OLFM2: variants seen among roughly 807,000 people sequenced by gnomAD.
OLFM2 encodes noelin-2.
A neutral mutation model predicts 43.9 loss-of-function variants in OLFM2; 20 were observed. That is an observed-to-expected ratio of 0.46 (90% CI 0.32 to 0.66). The LOEUF is 0.66. Ranked by LOEUF, OLFM2 falls within the 30% of genes least tolerant of loss-of-function variation. OLFM2 has a pLI of 0.04. For missense variants in OLFM2, 416 were observed against 643.6 expected (o/e 0.65, Z 3.83); for synonymous variants, 268 against 278.6 (o/e 0.96, Z 0.38).
chr19:9,910,865 G>C (rs1457981892), intron 1 of OLFM2, among the ~76,000 whole-genome samples: 1 of 152,032 alleles, frequency 6.6e-6, no homozygotes. Flanking sequence ...TAGTGGGTGG[G>C]TGTATGAGTG....
intron 1 of OLFM2, among the ~76,000 whole-genome samples, chr19:9,865,485 CTTTTTTTTTTTTT>C (rs71188847): frequency 1.4e-5 from 1 of 73,654 alleles, no homozygotes; most frequent in African/African-American, 5.7e-5. Flanking sequence ...TCTGTTTTTT[CTTTTTTTTTTTTT>C]TTTTTTTTTT....
At chr19:9,860,819 C>T in intron 1 of OLFM2, 25 bp from the exon 2 acceptor site, 1 of 1,590,964 alleles carries the variant, frequency 6.3e-7, no homozygotes, top group Non-Finnish European at 8.5e-7. Context: ...GGGTCAGAGA[C>T]CGGAATCCCA....
At position 9,908,824 on chromosome 19, in the gene OLFM2, G is replaced by A. The variant is rs1036061124; in HGVS notation, c.63+27480C>T. 7.9e-5 allele frequency among the ~76,000 whole-genome samples: 12 copies of A among 151,572 alleles called. No individual in the cohort carries two copies. The South Asian group carries it at 1.0e-3, about 13-fold the overall frequency. ...ACTCCTGACCTCAGGTGATCCACCT[G>A]CCTTGGCCTCCCAAAGTGCTGGGAT... On this transcript the variant is annotated intron_variant, in intron 1 of 5. Transcript: ENST00000264833.
intron 1 of OLFM2, among the ~76,000 whole-genome samples, chr19:9,879,362 T>G (rs2046519760): frequency 6.7e-6 from 1 of 150,320 alleles, no homozygotes; most frequent in Admixed American, 6.7e-5. Context: ...CAACTCCCAA[T>G]CTCAGGTGAT....
chr19:9,864,294 G>A (rs543480459), intron 1 of OLFM2, among the ~76,000 whole-genome samples: 7 of 152,098 alleles, frequency 4.6e-5, no homozygotes, highest in South Asian at 4.2e-4. Flanking sequence ...TTATTTATTC[G>A]TTTATTTTAT....
intron 1 of OLFM2, among the ~76,000 whole-genome samples, chr19:9,904,591 G>C (rs916539257): frequency 6.6e-6 from 1 of 151,934 alleles, no homozygotes; most frequent in African/African-American, 2.4e-5. Flanking sequence ...TAGTGTGAAG[G>C]GGCAAGCAGA....
At chr19:9,929,838 G>A (rs10423354) in intron 1 of OLFM2, among the ~76,000 whole-genome samples, 6,843 of 151,926 alleles carry the variant, frequency 0.045, 441 homozygotes, top group African/African-American at 0.14. Flanking sequence ...TCAGGAGTTC[G>A]AGACCAACCT....
At chr19:9,896,484 A>T (rs2046686000) in intron 1 of OLFM2, among the ~76,000 whole-genome samples, 1 of 152,124 alleles carries the variant, frequency 6.6e-6, no homozygotes, top group African/African-American at 2.4e-5. Flanking sequence ...TGCAGCCTGG[A>T]ACTCCTGGCT....
chr19:9,872,598 T>C (rs1417284385), intron 1 of OLFM2, among the ~76,000 whole-genome samples: 1 of 152,084 alleles, frequency 6.6e-6, no homozygotes, highest in Non-Finnish European at 1.5e-5. Context: ...GCCTGAGAAC[T>C]GGGGTTTTGC....
Position 9,872,850 on chromosome 19 carries a change from ACATC to A in OLFM2, c.64-12060_64-12057del, listed in dbSNP as rs1483104532. On this transcript the variant is annotated intron_variant, in intron 1 of 5. Transcript: ENST00000264833. Reference sequence around the variant, plus strand: ...CATTCATCCAACCATCCATTTATATACATCCATCCATCTATCCATCCATCCATTC... The same window carrying A: ...CATTCATCCAACCATCCATTTATATACATCCATCTATCCATCCATCCATTC... Among the ~76,000 whole-genome samples, 80 of 152,130 alleles carry A rather than the reference ACATC, an allele frequency of 5.3e-4. 2 individuals carry two copies. Among genetic ancestry groups the A allele is most frequent in the Non-Finnish European group, 2.4e-4 (16 of 68,002 alleles).
At chr19:9,914,556 C>G (rs1249546084) in intron 1 of OLFM2, among the ~76,000 whole-genome samples, 1 of 151,758 alleles carries the variant, frequency 6.6e-6, no homozygotes, top group Non-Finnish European at 1.5e-5. Flanking sequence ...CCACGGAGAC[C>G]TGGCACGCGG....
At chr19:9,903,966 G>A (rs2046761786) in intron 1 of OLFM2, among the ~76,000 whole-genome samples, 1 of 152,068 alleles carries the variant, frequency 6.6e-6, no homozygotes, top group Non-Finnish European at 1.5e-5. Context: ...CACCAGATTT[G>A]TCATTATACT....
At chr19:9,890,308 C>T (rs2046627346) in intron 1 of OLFM2, among the ~76,000 whole-genome samples, 2 of 152,186 alleles carry the variant, frequency 1.3e-5, no homozygotes, top group Admixed American at 1.3e-4. Context: ...CCCCTGGGAC[C>T]CCCAGCTCAA....
At chr19:9,919,154 C>A (rs1416662803) in intron 1 of OLFM2, among the ~76,000 whole-genome samples, 1 of 150,944 alleles carries the variant, frequency 6.6e-6, no homozygotes, top group Non-Finnish European at 1.5e-5. Flanking sequence ...CTGGGCAACG[C>A]AGTGAGACCT....
intron 1 of OLFM2, among the ~76,000 whole-genome samples, chr19:9,886,203 T>G (rs1599480919): frequency 6.6e-6 from 1 of 152,102 alleles, no homozygotes; most frequent in Admixed American, 6.6e-5. Context: ...AGAGGGTTTT[T>G]GTTTTTGTTT....
intron 1 of OLFM2, among the ~76,000 whole-genome samples, chr19:9,902,355 G>GAT (rs2046748009): frequency 6.7e-6 from 1 of 149,372 alleles, no homozygotes; most frequent in Non-Finnish European, 1.5e-5. Context: ...GAGGACACTG[G>GAT]ATATATCTGT....
rs573658738 is a variant in OLFM2, at chr19:9,876,476, C to T, written c.64-15682G>A. Among the ~76,000 whole-genome samples the T allele has an allele frequency of 3.6e-4, 55 of 152,304 alleles. No individual in the cohort carries two copies. In the South Asian group the frequency reaches 8.5e-3, roughly 24 times the overall value. On this transcript the variant is annotated intron_variant, in intron 1 of 5. Transcript: ENST00000264833. ...AATAACAGACAGCCAGGTACCAGGACTCCTGAAAACCCACCTCCAAGGGCT... is the reference window on the plus strand; with the variant it reads ...AATAACAGACAGCCAGGTACCAGGATTCCTGAAAACCCACCTCCAAGGGCT...
chr19:9,878,672 A>C (rs1229710366), intron 1 of OLFM2, among the ~76,000 whole-genome samples: 3 of 152,176 alleles, frequency 2.0e-5, no homozygotes, highest in Non-Finnish European at 1.5e-5. Flanking sequence ...GAGAGTGCTC[A>C]GGAAATACCA....
chr19:9,897,023 C>G (rs1391447731), intron 1 of OLFM2, among the ~76,000 whole-genome samples: 3 of 152,046 alleles, frequency 2.0e-5, no homozygotes, highest in Non-Finnish European at 4.4e-5. Context: ...GAGACCCTGT[C>G]TCTACAAAAA....
Sources: allele counts gnomAD v4.1 joint callset (sites outside exome capture counted in the v4.1 genomes callset), GRCh38; gene constraint gnomAD v4.1.1; transcripts MANE v1.5; gene names NCBI Gene and HGNC (gene_info 2026-07-23, HGNC 2026-07-21).